IHO1: variants seen among roughly 807,000 people sequenced by gnomAD.
IHO1 encodes interactor of HORMAD1 1.
IHO1 carries 13 observed loss-of-function variants against 31.0 expected under a neutral mutation model. That is an observed-to-expected ratio of 0.42 (90% CI 0.27 to 0.67). The LOEUF (loss-of-function observed/expected upper bound fraction) is 0.67. IHO1 is among the 30% of genes least tolerant of loss of function. The pLI is 0.24. For missense variants in IHO1, 599 were observed against 687.5 expected, an observed-to-expected ratio of 0.87 and a Z score of 1.44; for synonymous variants, 221 against 248.4, an observed-to-expected ratio of 0.89 and a Z score of 1.04.
intron 1 of IHO1, among the ~76,000 whole-genome samples, chr3:49,201,080 G>A (rs1366056051): frequency 3.3e-5 from 5 of 151,630 alleles, no homozygotes; most frequent in African/African-American, 1.2e-4. Context: ...TGCAAGCTCC[G>A]CCTCCCAGGT....
rs1484178000 is a variant in IHO1, at chr3:49,251,677, C to T, written c.533-3713C>T. Among the ~76,000 whole-genome samples the T allele has an allele frequency of 2.6e-5, 4 of 151,556 alleles. No individual in the cohort carries two copies. The East Asian group carries it at 7.8e-4, about 29-fold the overall frequency. On this transcript the variant is annotated intron_variant, in intron 6 of 7. Transcript: ENST00000452691. ...AGTGCAATGGCGCGATCTCGGCTCA[C>T]CGCAACCTCTGCCTCCCGGGTTCAA...
rs574951773 is a variant in IHO1 at position 49,237,887 on chromosome 3, C to CTTTTTTTTTTTTTTTTTT, written c.231+1179_231+1196dup. 3.9e-5 allele frequency among the ~76,000 whole-genome samples: 2 copies of CTTTTTTTTTTTTTTTTTT among 51,414 alleles called. 1 individual carries two copies. The highest frequency in any genetic ancestry group is 1.6e-4 in the African/African-American group (2 of 12,246). The allele number at this position is 51,414 out of a possible 152,430, so 33.7% of individuals were successfully genotyped here. A position where few individuals can be genotyped will look rare whatever the true frequency, so the allele number is the denominator to read the frequency against. ...TGTTTTGAGATTAACCTGTCTTTTC[C>CTTTTTTTTTTTTTTTTTT]TTTTTTTTTTTTTTTTTTTTTTTTT... On this transcript the variant is annotated intron_variant, in intron 3 of 7. Transcript: ENST00000452691.
upstream of IHO1, among the ~76,000 whole-genome samples, chr3:49,198,092 C>T (rs982984003): frequency 1.3e-5 from 2 of 152,124 alleles, no homozygotes; most frequent in African/African-American, 2.4e-5. Context: ...TTTCACTCAG[C>T]GTAATTATTT....
chr3:49,240,344 C>G (rs2046616241), intron 3 of IHO1, among the ~76,000 whole-genome samples: 1 of 152,246 alleles, frequency 6.6e-6, no homozygotes, highest in African/African-American at 2.4e-5. Flanking sequence ...CTGCCTCAGC[C>G]TCCTGAGTAG....
At chr3:49,249,548 G>A (rs1246294966) in intron 6 of IHO1, among the ~76,000 whole-genome samples, 2 of 152,056 alleles carry the variant, frequency 1.3e-5, no homozygotes, top group African/African-American at 4.8e-5. Context: ...GATTATAGGT[G>A]TAAGCCACCA....
chr3:49,211,125 G>A (rs867489372), intron 1 of IHO1, among the ~76,000 whole-genome samples: 1 of 147,602 alleles, frequency 6.8e-6, no homozygotes, highest in Non-Finnish European at 1.5e-5. Flanking sequence ...CTCCTGCCCC[G>A]GCCTCCTGAG....
intron 6 of IHO1, among the ~76,000 whole-genome samples, chr3:49,250,028 G>A (rs2046741404): frequency 6.6e-6 from 1 of 152,128 alleles, no homozygotes; most frequent in African/African-American, 2.4e-5. Context: ...ATATGGAAAT[G>A]GATTTTAAAT....
chr3:49,223,277 T>C (rs533817905), intron 2 of IHO1, among the ~76,000 whole-genome samples: 1 of 152,274 alleles, frequency 6.6e-6, no homozygotes, highest in South Asian at 2.1e-4. Context: ...TTTCCTTAAG[T>C]GCTTTTTGAG....
chr3:49,247,772 G>C (rs1380191574), intron 6 of IHO1, among the ~76,000 whole-genome samples: 1 of 151,228 alleles, frequency 6.6e-6, no homozygotes. Flanking sequence ...CTGGGAGCTA[G>C]AGCAAGACCC....
upstream of IHO1, chr3:49,199,488 G>A (rs2046025225): frequency 6.6e-6 from 1 of 152,296 alleles, no homozygotes; most frequent in Non-Finnish European, 1.5e-5. Flanking sequence ...GCGGGGCCGC[G>A]CGTGCCGTTG....
the IHO1 span, among the ~76,000 whole-genome samples, chr3:49,192,388 A>G: frequency 6.6e-6 from 1 of 152,202 alleles, no homozygotes; most frequent in African/African-American, 2.4e-5. Flanking sequence ...CCCTTTGACA[A>G]ATTTTTGACT....
At chr3:49,228,529 G>C (rs573788998) in intron 2 of IHO1, among the ~76,000 whole-genome samples, 18 of 152,292 alleles carry the variant, frequency 1.2e-4, no homozygotes, top group Non-Finnish European at 2.5e-4. Flanking sequence ...CCCCACATTG[G>C]GCGCCAAAAT....
chr3:49,256,967 G>A lies in IHO1; in HGVS notation c.1470G>A (p.Leu490=). 4 of 1,614,192 alleles carry A rather than the reference G, an allele frequency of 2.5e-6. No homozygotes were observed. The Middle Eastern group carries it at 6.6e-4, about 266-fold the overall frequency. Reference sequence around the variant, plus strand: ...TTTCTGTCCCTCAAAGCCCCTTCCTGGGGCAGCAGGAACCCCGTGCTCAGC... The same window carrying A: ...TTTCTGTCCCTCAAAGCCCCTTCCTAGGGCAGCAGGAACCCCGTGCTCAGC... ...PAISVPQSPF[L]GQQEPRAQPL... Residue 490 remains leucine, a synonymous_variant, in exon 8 of 8, where the codon CTG becomes CTA. Transcript: ENST00000452691. This position sits in a 1 kb window ranked among gnomAD's most constrained non-coding sequence, Gnocchi z 4.6.
intron 3 of IHO1, among the ~76,000 whole-genome samples, chr3:49,237,057 AAAAC>A (rs1224967713): frequency 6.6e-6 from 1 of 151,998 alleles, no homozygotes; most frequent in East Asian, 1.9e-4. Context: ...TCTCAAAAAA[AAAAC>A]AAACAAGGCC....
At chr3:49,221,896 G>A (rs2046359618) in intron 2 of IHO1, among the ~76,000 whole-genome samples, 1 of 152,228 alleles carries the variant, frequency 6.6e-6, no homozygotes, top group South Asian at 2.1e-4. Context: ...GGCACTGTCT[G>A]ATTTCAGAAG....
the IHO1 span, chr3:49,191,943 G>T: frequency 2.5e-5 from 17 of 667,786 alleles, no homozygotes; most frequent in African/African-American, 2.0e-4. Flanking sequence ...TTGCCCCTTT[G>T]TCCTTGCTGC....
At chr3:49,249,029 A>G (rs2046729659) in intron 6 of IHO1, among the ~76,000 whole-genome samples, 1 of 152,156 alleles carries the variant, frequency 6.6e-6, no homozygotes, top group African/African-American at 2.4e-5. Context: ...ACTGTGTGAA[A>G]GTGCTGTCTG....
At chr3:49,229,303 C>T (rs778607061) in intron 2 of IHO1, among the ~76,000 whole-genome samples, 9 of 152,326 alleles carry the variant, frequency 5.9e-5, no homozygotes, top group Non-Finnish European at 1.2e-4. Context: ...GGGGAAACCC[C>T]GCAAAAGTTC....
At chr3:49,198,977 T>G (rs1314020031), upstream of IHO1, 1 of 152,536 alleles carries the variant, frequency 6.6e-6, no homozygotes, top group Non-Finnish European at 1.5e-5. Context: ...CACCCAAGTA[T>G]CATCTGTGCT....
Sources: gnomAD v4.1 joint callset for allele counts (sites outside exome capture counted in the v4.1 genomes callset) on GRCh38, gnomAD v4.1.1 for gene constraint, Gnocchi (gnomAD v3.1) non-coding constraint, MANE v1.5 for transcripts, NCBI Gene and HGNC (gene_info 2026-07-23, HGNC 2026-07-21) for gene names.